The following C1orf185 variants were observed in gnomAD, a reference collection of about 807,000 sequenced individuals.
The protein encoded by C1orf185 is uncharacterized protein C1orf185.
In C1orf185, 13 loss-of-function variants were observed where a neutral mutation model predicts 16.1. That is an observed-to-expected ratio of 0.81 (90% CI 0.53 to 1.28). The LOEUF is 1.28. Among genes scored for constraint, C1orf185 ranks in the 50% most tolerant of loss-of-function variants. The pLI is 0.00. For missense variants in C1orf185, 220 were observed against 225.2 expected (o/e 0.98, Z 0.15); for synonymous variants, 80 against 76.9 (o/e 1.04, Z -0.21).
At chr1:51,135,992 T>C (rs1646320991) in intron 3 of C1orf185, among the ~76,000 whole-genome samples, 1 of 152,170 alleles carries the variant, frequency 6.6e-6, no homozygotes, top group Non-Finnish European at 1.5e-5. Flanking sequence ...CAAAAATTAC[T>C]AACGTTCCTA....
chr1:51,141,088 TGAAGA>T (rs936228009), intron 3 of C1orf185, among the ~76,000 whole-genome samples: 1 of 152,144 alleles, frequency 6.6e-6, no homozygotes, highest in Non-Finnish European at 1.5e-5. Context: ...TAAGGAGAAG[TGAAGA>T]GAACAAAAAT....
intron 3 of C1orf185, among the ~76,000 whole-genome samples, chr1:51,121,810 A>G (rs1557646489): frequency 6.6e-6 from 1 of 152,174 alleles, no homozygotes; most frequent in Non-Finnish European, 1.5e-5. Context: ...TTTAAATAAT[A>G]AATGGATTTT....
At chr1:51,103,736 T>A (rs1646050544) in intron 1 of C1orf185, among the ~76,000 whole-genome samples, 1 of 152,192 alleles carries the variant, frequency 6.6e-6, no homozygotes, top group African/African-American at 2.4e-5. Context: ...GGTTTCAACA[T>A]GTTGGCCATG....
At chr1:51,118,871 T>C in intron 3 of C1orf185, 70 bp downstream of exon 3, 1 of 1,130,078 alleles carries the variant, frequency 8.8e-7, no homozygotes. Context: ...AGCATTGCTG[T>C]CTTAAAATCT....
intron 4 of C1orf185, among the ~76,000 whole-genome samples, chr1:51,147,019 T>G (rs942976670): frequency 6.6e-6 from 1 of 152,156 alleles, no homozygotes; most frequent in East Asian, 1.9e-4. Flanking sequence ...ATATTACAAA[T>G]GTTTTTTGCT....
chr1:51,137,910 A>T (rs571678923), intron 3 of C1orf185, among the ~76,000 whole-genome samples: 125 of 152,338 alleles, frequency 8.2e-4, no homozygotes, highest in African/African-American at 2.9e-3. Context: ...AGGAACGTGG[A>T]TGGAACTCAA....
intron 3 of C1orf185, among the ~76,000 whole-genome samples, chr1:51,141,316 C>G (rs901466591): frequency 6.6e-6 from 1 of 151,984 alleles, no homozygotes; most frequent in Non-Finnish European, 1.5e-5. Context: ...ACAGACAGAC[C>G]CTGTCTCTAC....
chr1:51,147,427 T>C (rs1478606673), intron 4 of C1orf185, 40 bp from the exon 5 acceptor site: 1 of 1,435,430 alleles, frequency 7.0e-7, no homozygotes, highest in Non-Finnish European at 9.3e-7. Flanking sequence ...AAGAGTTGGC[T>C]TGTGAATATA....
intron 1 of C1orf185, among the ~76,000 whole-genome samples, chr1:51,111,907 C>T (rs1646123720): frequency 6.6e-6 from 1 of 152,206 alleles, no homozygotes; most frequent in Non-Finnish European, 1.5e-5. Flanking sequence ...CAAGATCCTT[C>T]CGCCTCAGTC....
rs566207102 is a variant in C1orf185, at chr1:51,135,487, C to T, written c.259-10237C>T. Among the ~76,000 whole-genome samples, 34 of 151,964 alleles carry T rather than the reference C, an allele frequency of 2.2e-4. 2 individuals carry two copies. In the South Asian group the frequency reaches 6.5e-3, roughly 29 times the overall value. ...CCGGAAGGCGGAGGTTGCAGTGAGC[C>T]GAGATCACACCATTGCACTCCAGCC... On this transcript the variant is annotated intron_variant, in intron 3 of 4. Transcript: ENST00000371759.
downstream of C1orf185, among the ~76,000 whole-genome samples, chr1:51,149,875 G>T (rs1039741392): frequency 6.6e-6 from 1 of 152,160 alleles, no homozygotes; most frequent in Non-Finnish European, 1.5e-5. Flanking sequence ...TGGCTATAAA[G>T]CCTACTCTTG....
chr1:51,109,893 A>G (rs972161918), intron 1 of C1orf185, among the ~76,000 whole-genome samples: 1 of 152,086 alleles, frequency 6.6e-6, no homozygotes, highest in South Asian at 2.1e-4. Context: ...GGTTTCATAC[A>G]CATTTTAGAA....
intron 3 of C1orf185, among the ~76,000 whole-genome samples, chr1:51,138,695 AT>A (rs571285566): frequency 1.0e-4 from 13 of 124,026 alleles, no homozygotes; most frequent in South Asian, 1.0e-3. Context: ...CTGGCCCAGA[AT>A]TTTTTTTTTA....
chr1:51,127,275 T>G (rs1646248344), intron 3 of C1orf185, among the ~76,000 whole-genome samples: 1 of 152,060 alleles, frequency 6.6e-6, no homozygotes, highest in African/African-American at 2.4e-5. Context: ...GGTATCAGCT[T>G]TCTGATTTTT....
chr1:51,145,494 CTTA>C (rs1389415271), intron 3 of C1orf185, among the ~76,000 whole-genome samples: 2 of 152,032 alleles, frequency 1.3e-5, no homozygotes, highest in African/African-American at 4.8e-5. Flanking sequence ...ACTGTTATTC[CTTA>C]TTCTGGAGAC....
downstream of C1orf185, among the ~76,000 whole-genome samples, chr1:51,151,307 C>T (rs7524296): frequency 2.0e-5 from 3 of 152,024 alleles, no homozygotes; most frequent in African/African-American, 4.8e-5. Context: ...AACTACTTTT[C>T]GGATTGGGGT....
intron 1 of C1orf185, among the ~76,000 whole-genome samples, chr1:51,111,374 C>CTTTTTTTTTTTTTTTTTTTTTT (rs11414730): frequency 7.5e-6 from 1 of 133,982 alleles, no homozygotes; most frequent in East Asian, 2.1e-4. Flanking sequence ...TTCTTTCTTT[C>CTTTTTTTTTTTTTTTTTTTTTT]TTTTTTTTTT....
chr1:51,108,033 G>A (rs1202180948), intron 1 of C1orf185, among the ~76,000 whole-genome samples: 4 of 152,186 alleles, frequency 2.6e-5, no homozygotes, highest in Non-Finnish European at 4.4e-5. Context: ...TGGATCGTAA[G>A]TATGCATGTG....
chr1:51,110,723 C>A (rs1355949337), intron 1 of C1orf185, among the ~76,000 whole-genome samples: 1 of 152,156 alleles, frequency 6.6e-6, no homozygotes, highest in Non-Finnish European at 1.5e-5. Flanking sequence ...AATCCCAGCA[C>A]TGCGGGAGGC....
Sources: allele counts gnomAD v4.1 joint callset (sites outside exome capture counted in the v4.1 genomes callset), GRCh38; gene constraint gnomAD v4.1.1; transcripts MANE v1.5; gene names NCBI Gene and HGNC (gene_info 2026-07-23, HGNC 2026-07-21).